FHOD3: variants seen among roughly 807,000 people sequenced by gnomAD.
The protein encoded by FHOD3 is FH1/FH2 domain-containing protein 3.
Under a neutral mutation model 173.0 loss-of-function variants are expected in FHOD3, and 90 were observed. The observed-to-expected ratio is 0.52, with a 90% confidence interval of 0.44 to 0.62. FHOD3 has a LOEUF of 0.62. Ranked by LOEUF, FHOD3 falls within the 20% of genes least tolerant of loss-of-function variation. The probability of loss-of-function intolerance (pLI) is 0.00; values close to 1 mark genes in which losing one functional copy is unlikely to be tolerated. For synonymous variants in FHOD3, 828 were observed against 823.0 expected, an observed-to-expected ratio of 1.01 and a Z score of -0.10; for missense variants, 1,945 against 2,034.7, an observed-to-expected ratio of 0.96 and a Z score of 0.85.
chr18:36,595,227 C>T (rs1245606313), intron 7 of FHOD3, among the ~76,000 whole-genome samples: 5 of 152,154 alleles, frequency 3.3e-5, no homozygotes, highest in Admixed American at 2.0e-4. Flanking sequence ...TTCCCTGGCT[C>T]CTTCCTCCCC....
intron 15 of FHOD3, among the ~76,000 whole-genome samples, chr18:36,684,008 G>A (rs1411857298): frequency 6.6e-6 from 1 of 152,176 alleles, no homozygotes; most frequent in Non-Finnish European, 1.5e-5. Context: ...GCCACAAAGA[G>A]CCAGGATATC....
At chr18:36,720,774 C>T (rs61397451) in intron 19 of FHOD3, among the ~76,000 whole-genome samples, 1 of 37,836 alleles carries the variant, frequency 2.6e-5, no homozygotes, top group African/African-American at 1.2e-4. Context: ...TTCTCCTCCT[C>T]CTCCTCTTCC....
chr18:36,678,462 G>A (rs916856843), intron 14 of FHOD3, among the ~76,000 whole-genome samples: 5 of 145,936 alleles, frequency 3.4e-5, no homozygotes, highest in African/African-American at 1.0e-4. Context: ...ACTTGAGCTC[G>A]GGAGGTCAAG....
chr18:36,380,320 G>C (rs180789951), intron 3 of FHOD3, among the ~76,000 whole-genome samples: 4 of 152,180 alleles, frequency 2.6e-5, no homozygotes, highest in Non-Finnish European at 5.9e-5. Flanking sequence ...TGTAATCCCA[G>C]TAACTGGATT....
chr18:36,302,390 C>A (rs2091977142), intron 1 of FHOD3, among the ~76,000 whole-genome samples: 1 of 152,118 alleles, frequency 6.6e-6, no homozygotes, highest in South Asian at 2.1e-4. Context: ...GCTGCCACCG[C>A]CCCTCCCCCC....
chr18:36,779,257 A>G (rs2150498556), intron 28 of FHOD3, 191 bp from the exon 29 acceptor site: 1 of 585,408 alleles, frequency 1.7e-6, no homozygotes, highest in African/African-American at 1.9e-5. Context: ...GTGTAGCCCC[A>G]AACTTTTGTC....
At chr18:36,480,513 A>G (rs2145457989) in intron 3 of FHOD3, among the ~76,000 whole-genome samples, 1 of 152,342 alleles carries the variant, frequency 6.6e-6, no homozygotes, top group East Asian at 1.9e-4. Context: ...CTTCAAGGGC[A>G]TTATTGACAT....
rs529074409 is a variant in FHOD3, at chr18:36,478,794, T to C, written c.338-23138T>C. ...GTCCCAGCCAAGTTACTCCTGGTAA[T>C]CTTCCACACTTAACTCTTGCTACCT... On this transcript the variant is annotated intron_variant, in intron 3 of 28. Transcript: ENST00000590592. 1.4e-4 allele frequency among the ~76,000 whole-genome samples: 22 copies of C among 152,308 alleles called. No homozygotes were observed. In the East Asian group the frequency reaches 3.7e-3, roughly 25 times the overall value.
intron 7 of FHOD3, 75 bp from the exon 8 acceptor site, chr18:36,602,599 T>C (rs966538125): frequency 7.2e-6 from 8 of 1,104,686 alleles, no homozygotes; most frequent in Non-Finnish European, 1.1e-5. Flanking sequence ...CGTCCTTGGA[T>C]AATAAACTGT....
chr18:36,400,232 T>A (rs1363509786), intron 3 of FHOD3, among the ~76,000 whole-genome samples: 4 of 152,242 alleles, frequency 2.6e-5, no homozygotes, highest in Admixed American at 2.6e-4. Flanking sequence ...GAATAAATGA[T>A]AATTTTACAT....
intron 18 of FHOD3, among the ~76,000 whole-genome samples, chr18:36,712,740 G>A (rs2040236617): frequency 6.6e-6 from 1 of 151,644 alleles, no homozygotes; most frequent in African/African-American, 2.4e-5. Flanking sequence ...TTTGTCAAAA[G>A]GTATAAACTC....
intron 3 of FHOD3, among the ~76,000 whole-genome samples, chr18:36,501,693 C>A (rs2146039543): frequency 6.6e-6 from 1 of 152,038 alleles, no homozygotes. Flanking sequence ...AGGGAATAGG[C>A]AAAAGGGCAG....
At chr18:36,571,918 A>G (rs982633045) in intron 5 of FHOD3, among the ~76,000 whole-genome samples, 1 of 152,208 alleles carries the variant, frequency 6.6e-6, no homozygotes, top group Non-Finnish European at 1.5e-5. Context: ...AATCTTTGTG[A>G]CTTCTAGTTA....
intron 14 of FHOD3, among the ~76,000 whole-genome samples, chr18:36,670,873 C>T (rs1219082734): frequency 1.1e-4 from 16 of 152,200 alleles, no homozygotes; most frequent in Admixed American, 9.8e-4. Context: ...GCATAATTAG[C>T]TTTGTTAGGC....
intron 19 of FHOD3, 44 bp from the exon 20 acceptor site, chr18:36,730,602 C>T (rs751004021): frequency 6.3e-7 from 1 of 1,592,346 alleles, no homozygotes; most frequent in African/African-American, 1.3e-5. Flanking sequence ...AGAAAGGACC[C>T]AAGATGATGC....
intron 3 of FHOD3, among the ~76,000 whole-genome samples, chr18:36,448,651 G>A (rs2051642915): frequency 6.6e-6 from 1 of 152,124 alleles, no homozygotes; most frequent in African/African-American, 2.4e-5. Context: ...GCCCAGAATG[G>A]GGGACAGGAC....
At chr18:36,472,276 C>CCT (rs921332269) in intron 3 of FHOD3, among the ~76,000 whole-genome samples, 15 of 152,146 alleles carry the variant, frequency 9.9e-5, no homozygotes, top group African/African-American at 3.6e-4. Flanking sequence ...GTAATGGCAA[C>CCT]CTCTCTCTCA....
intron 3 of FHOD3, among the ~76,000 whole-genome samples, chr18:36,399,832 A>C (rs572629491): frequency 9.2e-5 from 14 of 152,208 alleles, no homozygotes; most frequent in Non-Finnish European, 1.9e-4. Flanking sequence ...TCTTGCTGGG[A>C]GGAAGACCAA....
intron 4 of FHOD3, among the ~76,000 whole-genome samples, chr18:36,502,202 AGGT>A (rs1192196536): frequency 6.6e-6 from 1 of 152,024 alleles, no homozygotes; most frequent in Non-Finnish European, 1.5e-5. Context: ...TAAAAAGTAA[AGGT>A]AACTTTATCA....
Sources: gnomAD v4.1 joint callset for allele counts (sites outside exome capture counted in the v4.1 genomes callset) on GRCh38, gnomAD v4.1.1 for gene constraint, MANE v1.5 for transcripts, NCBI Gene and HGNC (gene_info 2026-07-23, HGNC 2026-07-21) for gene names.